The following AKR1C8 variants were observed in gnomAD, a reference collection of about 807,000 sequenced individuals.
AKR1C8 encodes aldo-keto reductase family 1 member C-like protein 1.
chr10:5,168,320 C>A, the AKR1C8 span, among the ~76,000 whole-genome samples: 1 of 151,960 alleles, frequency 6.6e-6, no homozygotes, highest in African/African-American at 2.4e-5. Flanking sequence ...CCCAGAAAAC[C>A]CTCAAATGCA....
At chr10:5,127,625 A>T in the AKR1C8 span, among the ~76,000 whole-genome samples, 2 of 142,446 alleles carry the variant, frequency 1.4e-5, no homozygotes, top group Admixed American at 7.3e-5. Context: ...AGCCTGAGTC[A>T]GGAGAATCGC....
At chr10:5,161,992 C>G in the AKR1C8 span, 77 of 525,278 alleles carry the variant, frequency 1.5e-4, 1 homozygote, top group South Asian at 1.0e-3. Context: ...CCAAAAGAAA[C>G]AAAAATGGAT....
chr10:5,138,343 TA>T, the AKR1C8 span, among the ~76,000 whole-genome samples: 1 of 152,122 alleles, frequency 6.6e-6, no homozygotes, highest in Non-Finnish European at 1.5e-5. Context: ...GAAAAGAATT[TA>T]GTGATATCTT....
the AKR1C8 span, among the ~76,000 whole-genome samples, chr10:5,177,561 T>C: frequency 1.3e-5 from 2 of 152,186 alleles, no homozygotes; most frequent in Admixed American, 6.6e-5. Context: ...ATGGTACCAG[T>C]TCCTCCTTGT....
At chr10:5,158,908 C>T in the AKR1C8 span, among the ~76,000 whole-genome samples, 95 of 152,268 alleles carry the variant, frequency 6.2e-4, no homozygotes, top group Non-Finnish European at 2.1e-4. Flanking sequence ...TTTTCTTATT[C>T]CTTTTCTATT....
the AKR1C8 span, chr10:5,184,980 T>C: frequency 1.9e-6 from 1 of 533,840 alleles, no homozygotes; most frequent in African/African-American, 1.9e-5. Flanking sequence ...ACAGCTGACC[T>C]AAGAAACTTC....
the AKR1C8 span, among the ~76,000 whole-genome samples, chr10:5,143,843 G>C: frequency 6.6e-6 from 1 of 151,276 alleles, no homozygotes; most frequent in Non-Finnish European, 1.5e-5. Flanking sequence ...TTTATACTGA[G>C]TTTTCTGAAT....
At chr10:5,182,521 C>G in the AKR1C8 span, among the ~76,000 whole-genome samples, 1 of 152,124 alleles carries the variant, frequency 6.6e-6, no homozygotes, top group African/African-American at 2.4e-5. Flanking sequence ...AGTACAAACC[C>G]ATGACTAGAC....
At chr10:5,162,379 C>T in the AKR1C8 span, among the ~76,000 whole-genome samples, 4 of 152,188 alleles carry the variant, frequency 2.6e-5, no homozygotes, top group South Asian at 2.1e-4. Flanking sequence ...TCGATGTAAA[C>T]ACACACAGGG....
the AKR1C8 span, among the ~76,000 whole-genome samples, chr10:5,166,451 C>T: frequency 1.4e-4 from 21 of 152,050 alleles, no homozygotes; most frequent in East Asian, 2.5e-3. Flanking sequence ...TATAGACCAA[C>T]GGAACAGAAC....
the AKR1C8 span, among the ~76,000 whole-genome samples, chr10:5,126,476 C>T: frequency 9.9e-5 from 15 of 152,160 alleles, no homozygotes; most frequent in South Asian, 2.3e-3. Flanking sequence ...CCCCCCTTTA[C>T]GTTGATAAGA....
chr10:5,135,565 C>CATCT, the AKR1C8 span, among the ~76,000 whole-genome samples: 9,389 of 151,914 alleles, frequency 0.062, 337 homozygotes, highest in Middle Eastern at 0.082. Flanking sequence ...TATCATCTAT[C>CATCT]ATCTATCTAT....
the AKR1C8 span, among the ~76,000 whole-genome samples, chr10:5,130,807 T>C: frequency 0.39 from 59,474 of 151,592 alleles, 12,458 homozygotes; most frequent in Non-Finnish European, 0.43. Context: ...AAACATCCCA[T>C]GCTTACAGAT....
At chr10:5,120,949 TATG>T in the AKR1C8 span, among the ~76,000 whole-genome samples, 4 of 152,120 alleles carry the variant, frequency 2.6e-5, no homozygotes, top group Admixed American at 1.3e-4. Flanking sequence ...CCATGCTAAT[TATG>T]ATATTATATA....
At chr10:5,178,034 T>C in the AKR1C8 span, among the ~76,000 whole-genome samples, 2 of 152,176 alleles carry the variant, frequency 1.3e-5, no homozygotes, top group Non-Finnish European at 2.9e-5. Flanking sequence ...TTTGAATGTG[T>C]TTGCTCTTGC....
chr10:5,125,505 G>A, the AKR1C8 span, among the ~76,000 whole-genome samples: 217 of 152,150 alleles, frequency 1.4e-3, 1 homozygote, highest in African/African-American at 4.9e-3. Context: ...TCTCACAGCC[G>A]GTGCTCTTTT....
At chr10:5,181,616 T>C in the AKR1C8 span, among the ~76,000 whole-genome samples, 1 of 152,186 alleles carries the variant, frequency 6.6e-6, no homozygotes, top group African/African-American at 2.4e-5. Context: ...CAAAATGATA[T>C]TTAATCTTCC....
the AKR1C8 span, among the ~76,000 whole-genome samples, chr10:5,183,721 T>C: frequency 0.3 from 45,182 of 151,290 alleles, 7,347 homozygotes; most frequent in Non-Finnish European, 0.36. Context: ...TTAGAGTGAG[T>C]TCTTGGTAAA....
the AKR1C8 span, among the ~76,000 whole-genome samples, chr10:5,133,313 A>C: frequency 7.2e-5 from 11 of 152,190 alleles, no homozygotes; most frequent in Admixed American, 7.2e-4. Context: ...GCCCAGGCTC[A>C]AGCTCCCAAA....
Sources: gnomAD v4.1 joint callset for allele counts (sites outside exome capture counted in the v4.1 genomes callset) on GRCh38, gnomAD v4.1.1 for gene constraint, MANE v1.5 for transcripts, NCBI Gene and HGNC (gene_info 2026-07-23, HGNC 2026-07-21) for gene names.